MTHFD1L: variants seen among roughly 807,000 people sequenced by gnomAD.
MTHFD1L encodes the protein monofunctional C1-tetrahydrofolate synthase, mitochondrial.
MTHFD1L carries 81 observed loss-of-function variants against 119.5 expected under a neutral mutation model. The observed-to-expected ratio is 0.68, with a 90% CI of 0.57 to 0.82. The LOEUF (loss-of-function observed/expected upper bound fraction) is 0.82. Among genes scored for constraint, MTHFD1L ranks in the 40% least tolerant of loss-of-function variants. The pLI, the probability that MTHFD1L is intolerant of heterozygous loss-of-function variation, is 0.00. For synonymous variants in MTHFD1L, 430 were observed against 475.2 expected (o/e 0.90, Z 1.24); for missense variants, 1,125 against 1,253.4 (o/e 0.90, Z 1.55).
At chr6:150,954,439 G>A (rs1159116678) in intron 16 of MTHFD1L, among the ~76,000 whole-genome samples, 1 of 152,156 alleles carries the variant, frequency 6.6e-6, no homozygotes, top group Non-Finnish European at 1.5e-5. Context: ...AGTTATCCCA[G>A]CACTTTGGGA....
Position 150,991,550 on chromosome 6 carries a change from CT to C in MTHFD1L, c.2126-18265del, listed in dbSNP as rs1467393738. Among the ~76,000 whole-genome samples the C allele has an allele frequency of 4.6e-5, 7 of 152,248 alleles. No homozygotes were observed. The East Asian group carries it at 1.4e-3, about 29-fold the overall frequency. ...AAATTTTTACAATTACTGTGTATTA[CT>C]TTTGTAGTAGTTTTTTTTATAAAAG... On this transcript the variant is annotated intron_variant, in intron 20 of 27. Transcript: ENST00000367321.
At chr6:151,071,280 A>C (rs1173601678) in intron 26 of MTHFD1L, among the ~76,000 whole-genome samples, 1 of 152,190 alleles carries the variant, frequency 6.6e-6, no homozygotes. Context: ...TACCACCCTA[A>C]TAAGCCGGGA....
chr6:151,005,838 T>C (rs1338692160), intron 20 of MTHFD1L, among the ~76,000 whole-genome samples: 1 of 151,706 alleles, frequency 6.6e-6, no homozygotes, highest in Non-Finnish European at 1.5e-5. Context: ...GTAGATGTTT[T>C]AGATGGTCAT....
At chr6:150,981,717 T>G (rs7452329) in intron 20 of MTHFD1L, among the ~76,000 whole-genome samples, 4,209 of 152,328 alleles carry the variant, frequency 0.028, 207 homozygotes, top group Admixed American at 0.14. Context: ...CCAACAGATG[T>G]TATTATTGGT....
At chr6:151,010,106 G>T in intron 21 of MTHFD1L, 148 bp downstream of exon 21, 1 of 950,890 alleles carries the variant, frequency 1.1e-6, no homozygotes, top group South Asian at 2.2e-5. Context: ...GACCTCCCTC[G>T]TGGACATCTA....
intron 26 of MTHFD1L, among the ~76,000 whole-genome samples, chr6:151,085,616 C>CA (rs1344597199): frequency 6.6e-6 from 1 of 152,068 alleles, no homozygotes; most frequent in Non-Finnish European, 1.5e-5. Flanking sequence ...ACTAAAAATT[C>CA]AAAAATTACC....
At chr6:150,939,412 C>T (rs966830475) in intron 13 of MTHFD1L, 1 of 152,322 alleles carries the variant, frequency 6.6e-6, no homozygotes, top group Non-Finnish European at 1.5e-5. Flanking sequence ...GTAAGAACTC[C>T]ACCTTTGTTC....
intron 24 of MTHFD1L, among the ~76,000 whole-genome samples, chr6:151,018,275 A>G (rs1783439100): frequency 6.6e-6 from 1 of 152,210 alleles, no homozygotes. Flanking sequence ...GTTCAGTGGC[A>G]TAAATCAATA....
intron 7 of MTHFD1L, among the ~76,000 whole-genome samples, chr6:150,898,452 A>C (rs1784601285): frequency 6.6e-6 from 1 of 152,224 alleles, no homozygotes; most frequent in Non-Finnish European, 1.5e-5. Context: ...AACGGAATGC[A>C]GAAATCTGTC....
intron 8 of MTHFD1L, among the ~76,000 whole-genome samples, chr6:150,915,471 A>G (rs960184853): frequency 6.6e-6 from 1 of 152,218 alleles, no homozygotes; most frequent in Non-Finnish European, 1.5e-5. Flanking sequence ...GAACTATACC[A>G]GGACTTATCT....
At position 150,916,292 on chromosome 6, in the gene MTHFD1L, CTTTTTTTTTTT is replaced by C. The variant is rs71554488; in HGVS notation, c.893-2268_893-2258del. 1.1e-3 allele frequency among the ~76,000 whole-genome samples: 43 copies of C among 40,012 alleles called. No individual in the cohort carries two copies. The East Asian group carries it at 0.03, about 28-fold the overall frequency. 26.2% of individuals were successfully genotyped at this position (40,012 alleles called of 152,430 possible). On this transcript the variant is annotated intron_variant, in intron 8 of 27. Transcript: ENST00000367321. Reference sequence around the variant, plus strand: ...AGTGATGAAGGAAGGAAGGTAGAATCTTTTTTTTTTTTTTTTTTTTTTTTTTTCAGATAGAG... The same window carrying C: ...AGTGATGAAGGAAGGAAGGTAGAATCTTTTTTTTTTTTTTTTCAGATAGAG...
intron 27 of MTHFD1L, among the ~76,000 whole-genome samples, chr6:151,100,921 G>A (rs775502668): frequency 6.1e-4 from 93 of 152,248 alleles, no homozygotes; most frequent in Non-Finnish European, 8.1e-4. Context: ...CACTTTGGGA[G>A]GACAAGGCAG....
chr6:150,866,731 G>A, intron 1 of MTHFD1L: 1 of 1,070,280 alleles, frequency 9.3e-7, no homozygotes, highest in Non-Finnish European at 1.1e-6. Context: ...GAGTCCCCGC[G>A]CAGCTGGGTT....
At chr6:150,923,533 A>ATTTATTTATTTATTTATTTT (rs1411950846) in intron 10 of MTHFD1L, among the ~76,000 whole-genome samples, 1,771 of 100,650 alleles carry the variant, frequency 0.018, 25 homozygotes, top group Non-Finnish European at 0.025. Flanking sequence ...TTATTTATTT[A>ATTTATTTATTTATTTATTTT]TTTATTTTTT....
At chr6:151,012,929 G>A (rs1307189636) in intron 21 of MTHFD1L, among the ~76,000 whole-genome samples, 2 of 152,158 alleles carry the variant, frequency 1.3e-5, no homozygotes, top group South Asian at 4.1e-4. Context: ...CCTTTGACTG[G>A]TCAGTTGAGA....
intron 24 of MTHFD1L, chr6:151,021,973 C>G: frequency 2.1e-6 from 1 of 469,906 alleles, no homozygotes; most frequent in Admixed American, 2.4e-5. Flanking sequence ...GCCTTGACAG[C>G]AAGACAGGAT....
At chr6:151,025,201 G>A (rs1461906046) in intron 24 of MTHFD1L, among the ~76,000 whole-genome samples, 1 of 152,254 alleles carries the variant, frequency 6.6e-6, no homozygotes, top group Non-Finnish European at 1.5e-5. Context: ...CGTCTTCAGA[G>A]TGAACCTGTT....
intron 18 of MTHFD1L, among the ~76,000 whole-genome samples, chr6:150,963,851 C>T (rs1304757382): frequency 6.6e-6 from 1 of 152,034 alleles, no homozygotes; most frequent in Non-Finnish European, 1.5e-5. Flanking sequence ...AAGGTCTTTA[C>T]AAAGTGAGAA....
intron 25 of MTHFD1L, among the ~76,000 whole-genome samples, chr6:151,035,130 T>C (rs938814841): frequency 2.0e-5 from 3 of 152,202 alleles, no homozygotes; most frequent in African/African-American, 7.2e-5. Flanking sequence ...GGCTCCATCA[T>C]CTTCTACCTC....
Sources: allele counts gnomAD v4.1 joint callset (sites outside exome capture counted in the v4.1 genomes callset), GRCh38; gene constraint gnomAD v4.1.1; transcripts MANE v1.5; gene names NCBI Gene and HGNC (gene_info 2026-07-23, HGNC 2026-07-21).